Variants in CCDC178 observed in about 807,000 individuals in gnomAD.
CCDC178 encodes the protein coiled-coil domain containing 178.
CCDC178 carries 126 observed loss-of-function variants against 117.4 expected under a neutral mutation model. The ratio of observed to expected loss-of-function variants is 1.07; its 90% CI spans 0.93 to 1.24. CCDC178 has a LOEUF of 1.24. Ranked by LOEUF, CCDC178 falls within the 50% of genes most tolerant of loss-of-function variation. The probability of loss-of-function intolerance (pLI) is 0.00; values close to 1 mark genes in which losing one functional copy is unlikely to be tolerated. For synonymous variants in CCDC178, 283 were observed against 313.4 expected (o/e 0.90, Z 1.02); for missense variants, 1,030 against 986.9 (o/e 1.04, Z -0.59).
intron 20 of CCDC178, among the ~76,000 whole-genome samples, chr18:33,175,997 C>T (rs1013108995): frequency 1.3e-5 from 2 of 152,056 alleles, no homozygotes; most frequent in African/African-American, 4.8e-5. Flanking sequence ...TACATCTCCA[C>T]CAGGACACCT....
chr18:33,397,230 A>C, intron 3 of CCDC178, 22 bp from the exon 4 acceptor site: 1 of 1,506,338 alleles, frequency 6.6e-7, no homozygotes, highest in Non-Finnish European at 9.2e-7. Context: ...AAAATAAAAC[A>C]AAATAAAATA....
chr18:33,317,609 G>A (rs956213280), intron 11 of CCDC178, among the ~76,000 whole-genome samples: 2 of 152,064 alleles, frequency 1.3e-5, no homozygotes, highest in African/African-American at 4.8e-5. Flanking sequence ...ACTCTCTTGG[G>A]GTCTGGACTG....
chr18:33,230,102 C>T (rs989302384), intron 15 of CCDC178, among the ~76,000 whole-genome samples: 3 of 152,056 alleles, frequency 2.0e-5, no homozygotes, highest in Non-Finnish European at 2.9e-5. Context: ...GAATAGCTCA[C>T]GTAATTTATC....
At chr18:32,966,548 T>G (rs1341710007) in intron 22 of CCDC178, among the ~76,000 whole-genome samples, 1 of 151,886 alleles carries the variant, frequency 6.6e-6, no homozygotes, top group African/African-American at 2.4e-5. Context: ...ATATAACTTT[T>G]TGATATATTT....
chr18:33,348,507 C>A (rs1451699264), intron 8 of CCDC178, among the ~76,000 whole-genome samples: 2 of 151,868 alleles, frequency 1.3e-5, no homozygotes, highest in African/African-American at 4.8e-5. Context: ...AAATTAAGTT[C>A]CTCAGTCTTA....
chr18:32,999,580 G>T (rs1019279713), intron 21 of CCDC178, among the ~76,000 whole-genome samples: 1 of 152,112 alleles, frequency 6.6e-6, no homozygotes, highest in Non-Finnish European at 1.5e-5. Flanking sequence ...TGGTCCCAGT[G>T]GTGGTGGCCA....
intron 11 of CCDC178, among the ~76,000 whole-genome samples, chr18:33,309,720 A>T (rs564986579): frequency 1.3e-5 from 2 of 152,220 alleles, no homozygotes; most frequent in Admixed American, 6.5e-5. Flanking sequence ...GTTGTGTCTT[A>T]TTGAGAAAAA....
chr18:33,249,742 G>T (rs1033152570), intron 14 of CCDC178, among the ~76,000 whole-genome samples: 2 of 152,054 alleles, frequency 1.3e-5, no homozygotes, highest in East Asian at 3.9e-4. Flanking sequence ...GATTGACTTG[G>T]CAATGTGGGC....
At chr18:33,391,474 A>C (rs986885933) in intron 4 of CCDC178, among the ~76,000 whole-genome samples, 1 of 152,122 alleles carries the variant, frequency 6.6e-6, no homozygotes, top group South Asian at 2.1e-4. Flanking sequence ...ACATATTATG[A>C]ATTGCAAAAA....
intron 21 of CCDC178, among the ~76,000 whole-genome samples, chr18:33,078,539 T>A (rs1335697023): frequency 6.6e-6 from 1 of 152,192 alleles, no homozygotes; most frequent in African/African-American, 2.4e-5. Flanking sequence ...AACCCCGTAG[T>A]CTTGGCCCAA....
chr18:33,174,250 A>G lies in CCDC178; in HGVS notation c.2238+37646T>C, dbSNP rs551079546. ...ACTGTCGCAAAGACAGCACCAAGCC[A>G]TAAGGGCTCTTCTCCTATAGCCCAA... On this transcript the variant is annotated intron_variant, in intron 20 of 22. Transcript: ENST00000383096. Among the ~76,000 whole-genome samples, 7 of 152,306 alleles carry G rather than the reference A, an allele frequency of 4.6e-5. No homozygotes were observed. In the East Asian group the frequency reaches 7.7e-4, roughly 17 times the overall value.
At chr18:33,097,493 A>G (rs271480) in intron 20 of CCDC178, among the ~76,000 whole-genome samples, 21,654 of 152,096 alleles carry the variant, frequency 0.14, 2,390 homozygotes, top group African/African-American at 0.31. Context: ...GATGTTTTGG[A>G]GTATTTGTTA....
intron 21 of CCDC178, among the ~76,000 whole-genome samples, chr18:33,025,371 A>G (rs2056206381): frequency 6.6e-6 from 1 of 152,186 alleles, no homozygotes; most frequent in Non-Finnish European, 1.5e-5. Flanking sequence ...CAAAAACATA[A>G]TGTATAGAAG....
intron 4 of CCDC178, among the ~76,000 whole-genome samples, chr18:33,391,233 G>A (rs1448020330): frequency 6.6e-6 from 1 of 151,176 alleles, no homozygotes; most frequent in Non-Finnish European, 1.5e-5. Context: ...CAACAACACC[G>A]AGAGTTATTA....
chr18:33,260,683 CTA>C (rs779043117), intron 14 of CCDC178, among the ~76,000 whole-genome samples: 69 of 151,816 alleles, frequency 4.5e-4, no homozygotes, highest in Non-Finnish European at 7.9e-4. Context: ...TGATATTTTT[CTA>C]TGTTTTCTTA....
intron 20 of CCDC178, among the ~76,000 whole-genome samples, chr18:33,136,394 TG>T (rs2058126638): frequency 6.6e-6 from 1 of 152,112 alleles, no homozygotes; most frequent in African/African-American, 2.4e-5. Context: ...AATGACACTA[TG>T]AGGTAGCAGA....
intron 21 of CCDC178, among the ~76,000 whole-genome samples, chr18:33,016,505 G>T (rs1400311320): frequency 6.6e-6 from 1 of 151,858 alleles, no homozygotes; most frequent in African/African-American, 2.4e-5. Flanking sequence ...ATTTTTGTTG[G>T]TAACTCTTTT....
Position 33,394,525 on chromosome 18 carries a change from C to T in CCDC178, c.118+2624G>A, listed in dbSNP as rs565274584. ...GTAAGTATGGAAAGCTGCAGTTCTACACTCAAATAACATATTACTTAAGAA... is the reference window on the plus strand; with the variant it reads ...GTAAGTATGGAAAGCTGCAGTTCTATACTCAAATAACATATTACTTAAGAA... On this transcript the variant is annotated intron_variant, in intron 4 of 22. Coordinates refer to ENST00000383096, the MANE Select transcript of CCDC178 (RefSeq NM_001105528.4). Among the ~76,000 whole-genome samples, 162 of 152,010 alleles carry T rather than the reference C, an allele frequency of 1.1e-3. 1 individual carries two copies. Among genetic ancestry groups the T allele is most frequent in the Admixed American group, 2.8e-3 (43 of 15,244 alleles).
At chr18:33,056,053 T>C (rs1482169220) in intron 21 of CCDC178, among the ~76,000 whole-genome samples, 12 of 152,208 alleles carry the variant, frequency 7.9e-5, no homozygotes, top group Admixed American at 7.9e-4. Flanking sequence ...TCTGCACATC[T>C]TGGCCCCACA....
Sources: gnomAD v4.1 joint callset for allele counts (sites outside exome capture counted in the v4.1 genomes callset) on GRCh38, gnomAD v4.1.1 for gene constraint, MANE v1.5 for transcripts, NCBI Gene and HGNC (gene_info 2026-07-23, HGNC 2026-07-21) for gene names.